The following KCNIP4 variants were observed in gnomAD, a reference collection of about 807,000 sequenced individuals.
KCNIP4 encodes potassium voltage-gated channel interacting protein 4, also known as Kv channel-interacting protein 4.
Under a neutral mutation model 34.0 loss-of-function variants are expected in KCNIP4, and 12 were observed. That is an observed-to-expected ratio of 0.35 (90% CI 0.23 to 0.57). The LOEUF (loss-of-function observed/expected upper bound fraction) is 0.57. KCNIP4 is among the 20% of genes least tolerant of loss of function. The probability of loss-of-function intolerance (pLI) is 0.83; values close to 1 mark genes in which losing one functional copy is unlikely to be tolerated. For synonymous variants in KCNIP4, 124 were observed against 102.2 expected (o/e 1.21, Z -1.29); for missense variants, 238 against 311.7 (o/e 0.76, Z 1.78).
intron 1 of KCNIP4, among the ~76,000 whole-genome samples, chr4:20,927,859 C>T (rs1286303897): frequency 6.6e-6 from 1 of 152,000 alleles, no homozygotes; most frequent in Non-Finnish European, 1.5e-5. Context: ...TTTTTAGAGC[C>T]AGACAACAAT....
At chr4:21,562,806 A>G (rs1739570678) in intron 1 of KCNIP4, among the ~76,000 whole-genome samples, 1 of 152,050 alleles carries the variant, frequency 6.6e-6, no homozygotes, top group Non-Finnish European at 1.5e-5. Context: ...TTTTAAACTA[A>G]ATATGAAAAA....
At chr4:20,888,938 A>C (rs968889402) in intron 1 of KCNIP4, among the ~76,000 whole-genome samples, 3 of 152,172 alleles carry the variant, frequency 2.0e-5, no homozygotes, top group African/African-American at 7.2e-5. Flanking sequence ...TTGCTCCCAC[A>C]GCTTACTACA....
chr4:21,739,403 T>C (rs1716247595), intron 1 of KCNIP4, among the ~76,000 whole-genome samples: 1 of 152,054 alleles, frequency 6.6e-6, no homozygotes, highest in Admixed American at 6.6e-5. Flanking sequence ...GAAAATTGAA[T>C]CTATGTTTCA....
chr4:21,116,780 C>T (rs77082045), intron 1 of KCNIP4, among the ~76,000 whole-genome samples: 2,580 of 152,296 alleles, frequency 0.017, 77 homozygotes, highest in African/African-American at 0.057. Flanking sequence ...AAGAAACCAA[C>T]AATCGATGCC....
At chr4:21,699,793 T>C (rs1712684967) in intron 1 of KCNIP4, among the ~76,000 whole-genome samples, 1 of 152,076 alleles carries the variant, frequency 6.6e-6, no homozygotes, top group African/African-American at 2.4e-5. Flanking sequence ...TTTCAGTCTC[T>C]TTGCCAGAAA....
At chr4:21,392,604 A>G (rs892911361) in intron 1 of KCNIP4, among the ~76,000 whole-genome samples, 2 of 152,348 alleles carry the variant, frequency 1.3e-5, no homozygotes, top group Middle Eastern at 6.8e-3. Flanking sequence ...AACGAAAAAT[A>G]ATTACCCTTA....
intron 2 of KCNIP4, among the ~76,000 whole-genome samples, chr4:20,864,641 C>T (rs1722685131): frequency 6.6e-6 from 1 of 151,952 alleles, no homozygotes; most frequent in Non-Finnish European, 1.5e-5. Flanking sequence ...ATCTAGAATT[C>T]ATGCACCCAA....
chr4:21,293,174 T>C (rs1418758693), intron 1 of KCNIP4, among the ~76,000 whole-genome samples: 1 of 152,232 alleles, frequency 6.6e-6, no homozygotes, highest in Non-Finnish European at 1.5e-5. Context: ...TATCTAATAA[T>C]TAATGGTTAC....
In KCNIP4 at chr4:20,850,666, G is replaced by C. The variant is rs1393607640; in HGVS notation, c.165C>G (p.Asn55Lys). The C allele has an allele frequency of 6.2e-7, 1 of 1,611,404 alleles. No homozygotes were observed. Among genetic ancestry groups the C allele is most frequent in the Admixed American group, 1.7e-5 (1 of 59,748 alleles). The change falls in exon 3 of 9, where the codon AAC (asparagine) becomes AAG (lysine). Residue 55 changes from asparagine to lysine, a missense_variant and splice_region_variant. Asn to Lys is a moderately conservative substitution (Grantham distance 94). Transcript: ENST00000382152. ...AAKTSSPAIQ[N>K]SVEDELEMAT... ...CCATCTCCAGTTCATCTTCCACGCT[G>C]TCTGTGGAGGAAAACAAGAAAGAGT... is the stretch of plus-strand genomic sequence containing the variant.
At position 21,683,446 on chromosome 4, in the gene KCNIP4, A is replaced by ATTTTTTTTTT. The variant is rs71191533; in HGVS notation, c.61+265115_61+265124dup. The stretch of plus-strand genomic sequence containing the variant: ...TACGACTAATGATTGGTGAAGCCAG[A>ATTTTTTTTTT]TTTTTTTTTTTTTTTTTTTTTTTTT... On this transcript the variant is annotated intron_variant, in intron 1 of 8. Transcript: ENST00000382152. Among the ~76,000 whole-genome samples, 11 of 46,616 alleles carry ATTTTTTTTTT rather than the reference A, an allele frequency of 2.4e-4. 2 individuals carry two copies. The highest frequency in any genetic ancestry group is 3.3e-4 in the Non-Finnish European group (8 of 24,004). 30.6% of individuals were successfully genotyped at this position (46,616 alleles called of 152,430 possible).
chr4:21,456,026 C>T (rs2109759108), intron 1 of KCNIP4, among the ~76,000 whole-genome samples: 1 of 145,622 alleles, frequency 6.9e-6, no homozygotes, highest in African/African-American at 2.7e-5. Flanking sequence ...CTCCATCAAA[C>T]TTTTTAATGC....
intron 1 of KCNIP4, among the ~76,000 whole-genome samples, chr4:21,223,754 T>C (rs374180462): frequency 2.9e-4 from 44 of 152,336 alleles, no homozygotes; most frequent in African/African-American, 8.9e-4. Flanking sequence ...AATTTCTCAA[T>C]CTTTCTTACT....
chr4:21,202,189 T>C (rs186678802), intron 1 of KCNIP4, among the ~76,000 whole-genome samples: 1 of 152,320 alleles, frequency 6.6e-6, no homozygotes, highest in Admixed American at 6.5e-5. Flanking sequence ...CAGCTGTCTG[T>C]AATGTTGGAC....
rs144272576 is a variant in KCNIP4 at position 21,535,201 on chromosome 4, T to C, written c.61+413370A>G. ...ATCAGGCTGACCAAGTTCCATTCAG[T>C]AGGCAAGTTTAAAGAGCCAAAATCT... is the stretch of plus-strand genomic sequence containing the variant. On this transcript the variant is annotated intron_variant, in intron 1 of 8. Coordinates refer to ENST00000382152, the MANE Select transcript of KCNIP4 (RefSeq NM_025221.6). Among the ~76,000 whole-genome samples the C allele has an allele frequency of 4.7e-3, 710 of 152,312 alleles. 10 individuals are homozygous for C. Among genetic ancestry groups the C allele is most frequent in the African/African-American group, 0.016 (666 of 41,576 alleles).
chr4:21,334,522 C>A (rs907554755), intron 1 of KCNIP4, among the ~76,000 whole-genome samples: 2 of 151,922 alleles, frequency 1.3e-5, no homozygotes, highest in African/African-American at 2.4e-5. Flanking sequence ...TTTTGAGGTA[C>A]AATTTGCACA....
chr4:20,768,540 A>G (rs929401584), intron 3 of KCNIP4, among the ~76,000 whole-genome samples: 2 of 152,236 alleles, frequency 1.3e-5, no homozygotes, highest in African/African-American at 4.8e-5. Context: ...AGAGCTGGCT[A>G]TAAATTTCTG....
At chr4:21,279,699 C>T (rs369163549) in intron 1 of KCNIP4, among the ~76,000 whole-genome samples, 7 of 152,046 alleles carry the variant, frequency 4.6e-5, no homozygotes, top group African/African-American at 1.4e-4. Context: ...GATGGACCTC[C>T]CTGTTGATAA....
intron 1 of KCNIP4, among the ~76,000 whole-genome samples, chr4:21,661,915 C>A (rs189492842): frequency 6.6e-6 from 1 of 152,254 alleles, no homozygotes; most frequent in Non-Finnish European, 1.5e-5. Context: ...AAAAAATTAG[C>A]TTAGATCGGA....
At chr4:21,810,203 A>G (rs938561511) in intron 1 of KCNIP4, among the ~76,000 whole-genome samples, 1 of 152,230 alleles carries the variant, frequency 6.6e-6, no homozygotes, top group African/African-American at 2.4e-5. Context: ...TTAATACCAC[A>G]TATCTGCTAT....
Sources: allele counts gnomAD v4.1 joint callset (sites outside exome capture counted in the v4.1 genomes callset), GRCh38; gene constraint gnomAD v4.1.1; transcripts MANE v1.5; gene names NCBI Gene and HGNC (gene_info 2026-07-23, HGNC 2026-07-21).